NXPH1: variants seen among roughly 807,000 people sequenced by gnomAD.
NXPH1 encodes the protein neurexophilin-1.
NXPH1 carries 5 observed loss-of-function variants against 23.7 expected under a neutral mutation model. That is an observed-to-expected ratio of 0.21 (90% CI 0.11 to 0.44). The LOEUF (loss-of-function observed/expected upper bound fraction) is 0.44. NXPH1 is among the 20% of genes least tolerant of loss of function. The pLI is 0.99. For missense variants in NXPH1, 324 were observed against 321.6 expected (o/e 1.01, Z -0.06); for synonymous variants, 144 against 122.2 (o/e 1.18, Z -1.18).
chr7:8,596,623 A>C (rs1819230245), intron 2 of NXPH1, among the ~76,000 whole-genome samples: 1 of 152,132 alleles, frequency 6.6e-6, no homozygotes, highest in Admixed American at 6.6e-5. Context: ...TACTATGCTA[A>C]AGCTTTATAG....
At chr7:8,607,123 A>G (rs1456389706) in intron 2 of NXPH1, among the ~76,000 whole-genome samples, 2 of 152,164 alleles carry the variant, frequency 1.3e-5, no homozygotes, top group African/African-American at 4.8e-5. Context: ...AAATTATAGT[A>G]AAATTAACAA....
rs528571399 is a variant in NXPH1 at position 8,710,823 on chromosome 7, C to T, written c.55-40185C>T. Among the ~76,000 whole-genome samples, 14 of 137,004 alleles carry T rather than the reference C, an allele frequency of 1.0e-4. 2 individuals are homozygous for T. The East Asian group carries it at 2.0e-3, about 20-fold the overall frequency. 89.9% of individuals were successfully genotyped at this position (137,004 alleles called of 152,430 possible). On this transcript the variant is annotated intron_variant, in intron 2 of 2. Transcript: ENST00000405863. The stretch of plus-strand genomic sequence containing the variant: ...GACTACAGGCGCCCGCCACCGCGCC[C>T]GGCTAATTTTTTGTATTTTTAGTAG...
At chr7:8,725,064 G>A (rs1780028167) in intron 2 of NXPH1, among the ~76,000 whole-genome samples, 1 of 152,216 alleles carries the variant, frequency 6.6e-6, no homozygotes, top group South Asian at 2.1e-4. Flanking sequence ...GAAACAGAAG[G>A]TCAAGGAATG....
chr7:8,557,298 C>T (rs989701323), intron 2 of NXPH1, among the ~76,000 whole-genome samples: 1 of 151,636 alleles, frequency 6.6e-6, no homozygotes, highest in African/African-American at 2.4e-5. Context: ...ACAACAACAA[C>T]AACAACAATG....
chr7:8,532,460 AT>A (rs1260011264), intron 2 of NXPH1, among the ~76,000 whole-genome samples: 532 of 36,198 alleles, frequency 0.015, 7 homozygotes, highest in African/African-American at 0.052. Context: ...ATCCTTTCAT[AT>A]TTTTTTTGGG....
chr7:8,574,688 G>T (rs137901739), intron 2 of NXPH1, among the ~76,000 whole-genome samples: 1 of 152,084 alleles, frequency 6.6e-6, no homozygotes, highest in Non-Finnish European at 1.5e-5. Context: ...AACATTGAAG[G>T]TTCTGTGTTT....
intron 2 of NXPH1, among the ~76,000 whole-genome samples, chr7:8,747,508 A>T (rs539461983): frequency 6.6e-6 from 1 of 152,318 alleles, no homozygotes; most frequent in East Asian, 1.9e-4. Context: ...CCAGTGCATC[A>T]TGAAAGCATC....
chr7:8,661,870 C>T (rs987635319), intron 2 of NXPH1, among the ~76,000 whole-genome samples: 2 of 151,816 alleles, frequency 1.3e-5, no homozygotes, highest in African/African-American at 4.8e-5. Flanking sequence ...ATGACTGATA[C>T]ATAAAATTAT....
intron 2 of NXPH1, among the ~76,000 whole-genome samples, chr7:8,647,539 T>C (rs1418999144): frequency 6.6e-6 from 1 of 152,270 alleles, no homozygotes; most frequent in East Asian, 1.9e-4. Context: ...TTAATGTTTA[T>C]ATTCATGAGT....
At chr7:8,613,063 A>G (rs1583192660) in intron 2 of NXPH1, among the ~76,000 whole-genome samples, 1 of 151,750 alleles carries the variant, frequency 6.6e-6, no homozygotes, top group Non-Finnish European at 1.5e-5. Context: ...TTTACTTATC[A>G]CTCTGTACAT....
At chr7:8,503,140 C>T (rs1191421266) in intron 2 of NXPH1, among the ~76,000 whole-genome samples, 1 of 151,944 alleles carries the variant, frequency 6.6e-6, no homozygotes, top group African/African-American at 2.4e-5. Flanking sequence ...GCACAACAGA[C>T]AACAAAGGGT....
chr7:8,599,172 A>G (rs752133563), intron 2 of NXPH1, among the ~76,000 whole-genome samples: 11 of 152,286 alleles, frequency 7.2e-5, no homozygotes, highest in South Asian at 6.2e-4. Flanking sequence ...ATGAAGAAGC[A>G]GTTCTCAAAG....
chr7:8,661,050 G>A (rs930841623), intron 2 of NXPH1, among the ~76,000 whole-genome samples: 5 of 151,196 alleles, frequency 3.3e-5, no homozygotes, highest in African/African-American at 4.9e-5. Context: ...GCTGCACAGT[G>A]ACATAGAAAA....
chr7:8,569,974 T>A (rs1215982231), intron 2 of NXPH1, among the ~76,000 whole-genome samples: 1 of 151,912 alleles, frequency 6.6e-6, no homozygotes, highest in Non-Finnish European at 1.5e-5. Context: ...GAGGTTTAAA[T>A]ATGACAATGT....
chr7:8,681,838 A>T (rs1290867478), intron 2 of NXPH1, among the ~76,000 whole-genome samples: 1 of 152,154 alleles, frequency 6.6e-6, no homozygotes, highest in Non-Finnish European at 1.5e-5. Context: ...ATATTTTTCC[A>T]GTCTTTCTCT....
intron 2 of NXPH1, among the ~76,000 whole-genome samples, chr7:8,669,400 T>TG (rs1820830802): frequency 6.6e-6 from 1 of 151,974 alleles, no homozygotes; most frequent in Non-Finnish European, 1.5e-5. Flanking sequence ...ACTAGGGATG[T>TG]GGGGGCTGGC....
intron 2 of NXPH1, among the ~76,000 whole-genome samples, chr7:8,617,770 T>C (rs1819777137): frequency 6.6e-6 from 1 of 152,130 alleles, no homozygotes; most frequent in African/African-American, 2.4e-5. Flanking sequence ...AACGTAATTG[T>C]ACGTTTTAAA....
At chr7:8,679,041 G>A (rs111455847) in intron 2 of NXPH1, among the ~76,000 whole-genome samples, 3,670 of 143,238 alleles carry the variant, frequency 0.026, 151 homozygotes, top group African/African-American at 0.087. Flanking sequence ...TCCGCCTCCC[G>A]GGTTCACGCC....
intron 2 of NXPH1, among the ~76,000 whole-genome samples, chr7:8,707,782 C>T (rs898338884): frequency 6.6e-5 from 10 of 152,118 alleles, no homozygotes; most frequent in African/African-American, 2.4e-4. Flanking sequence ...TTCTTCTCTT[C>T]TAAAACTAGG....
Sources: gnomAD v4.1 joint callset for allele counts (sites outside exome capture counted in the v4.1 genomes callset) on GRCh38, gnomAD v4.1.1 for gene constraint, MANE v1.5 for transcripts, NCBI Gene and HGNC (gene_info 2026-07-23, HGNC 2026-07-21) for gene names.